LRRC4C: variants seen among roughly 807,000 people sequenced by gnomAD.
LRRC4C encodes the protein leucine rich repeat containing 4C, also known as leucine-rich repeat-containing protein 4C.
In LRRC4C, 5 loss-of-function variants were observed where a neutral mutation model predicts 33.6. The observed-to-expected ratio is 0.15, with a 90% CI of 0.08 to 0.31. The LOEUF (loss-of-function observed/expected upper bound fraction) is 0.31. LRRC4C is among the 10% of genes least tolerant of loss of function. The pLI is 1.00. For missense variants in LRRC4C, 560 were observed against 796.7 expected (o/e 0.70, Z 3.58); for synonymous variants, 329 against 302.0 (o/e 1.09, Z -0.93).
At chr11:40,703,984 A>G (rs1391198544) in intron 2 of LRRC4C, among the ~76,000 whole-genome samples, 1 of 152,194 alleles carries the variant, frequency 6.6e-6, no homozygotes, top group Non-Finnish European at 1.5e-5. Flanking sequence ...TACCCTCCAT[A>G]TTCACTAGTT....
chr11:41,004,915 T>C (rs182123162), intron 1 of LRRC4C, among the ~76,000 whole-genome samples: 2 of 152,226 alleles, frequency 1.3e-5, no homozygotes, highest in African/African-American at 2.4e-5. Context: ...TGCTAAAAGA[T>C]GGTTAGAAAA....
intron 1 of LRRC4C, among the ~76,000 whole-genome samples, chr11:41,137,180 C>T (rs1485802723): frequency 1.3e-5 from 2 of 151,736 alleles, no homozygotes; most frequent in South Asian, 2.1e-4. Flanking sequence ...CCCAGGAGGT[C>T]GCAGTGAGCT....
At chr11:40,685,474 A>G (rs1944907362) in intron 2 of LRRC4C, among the ~76,000 whole-genome samples, 1 of 152,052 alleles carries the variant, frequency 6.6e-6, no homozygotes, top group Non-Finnish European at 1.5e-5. Context: ...CAAGCTGAAT[A>G]GATCTAAAGA....
At chr11:40,872,085 G>A (rs1954678633) in intron 2 of LRRC4C, among the ~76,000 whole-genome samples, 2 of 152,078 alleles carry the variant, frequency 1.3e-5, no homozygotes, top group Non-Finnish European at 2.9e-5. Context: ...TACTCTAAAC[G>A]AGTTTCCTGT....
At chr11:40,690,204 T>C (rs1019395193) in intron 2 of LRRC4C, among the ~76,000 whole-genome samples, 19 of 150,370 alleles carry the variant, frequency 1.3e-4, no homozygotes, top group Non-Finnish European at 3.0e-5. Context: ...GAACTAGACA[T>C]TTTTTTATGA....
intron 3 of LRRC4C, among the ~76,000 whole-genome samples, chr11:40,577,559 C>G (rs1267000312): frequency 6.6e-6 from 1 of 152,140 alleles, no homozygotes; most frequent in Non-Finnish European, 1.5e-5. Flanking sequence ...GTGGCTTTGC[C>G]TCTCAGAAGA....
rs544528944 is a variant in LRRC4C at position 40,495,916 on chromosome 11, G to A, written c.-270+152226C>T. On this transcript the variant is annotated intron_variant, in intron 3 of 6. Transcript: ENST00000528697. ...GCGATCTCAGCTCACTACAACCTCC[G>A]CCCCCGGGGTTCAAGCAATTCTCCT... Among the ~76,000 whole-genome samples the A allele has an allele frequency of 1.2e-3, 161 of 130,544 alleles. 2 individuals are homozygous for A. In the Middle Eastern group the frequency reaches 0.019, roughly 15 times the overall value. The allele number at this position is 130,544 out of a possible 152,430, so 85.6% of individuals were successfully genotyped here.
intron 1 of LRRC4C, among the ~76,000 whole-genome samples, chr11:41,361,738 A>AT (rs1180337166): frequency 6.6e-6 from 1 of 152,176 alleles, no homozygotes; most frequent in East Asian, 1.9e-4. Flanking sequence ...GACTAAACAC[A>AT]TTTTTTAGTG....
At chr11:40,551,336 G>T in intron 3 of LRRC4C, among the ~76,000 whole-genome samples, 1 of 135,720 alleles carries the variant, frequency 7.4e-6, no homozygotes, top group Non-Finnish European at 1.6e-5. Flanking sequence ...GGTTGCATGA[G>T]ATCATTTCAA....
chr11:40,940,886 C>T (rs1958109779), intron 1 of LRRC4C, among the ~76,000 whole-genome samples: 1 of 150,442 alleles, frequency 6.6e-6, no homozygotes, highest in Non-Finnish European at 1.5e-5. Context: ...GAATGGGGAT[C>T]ATGGCCTGAA....
At chr11:40,777,499 G>GTTTTTTT (rs57851988) in intron 2 of LRRC4C, among the ~76,000 whole-genome samples, 1 of 137,638 alleles carries the variant, frequency 7.3e-6, no homozygotes, top group Non-Finnish European at 1.6e-5. Flanking sequence ...CTTTTTTACT[G>GTTTTTTT]TTTTTTTTTT....
At chr11:41,024,278 G>T (rs888240280) in intron 1 of LRRC4C, among the ~76,000 whole-genome samples, 1 of 151,630 alleles carries the variant, frequency 6.6e-6, no homozygotes, top group African/African-American at 2.4e-5. Flanking sequence ...CAGTAGCTAC[G>T]CAGCTCAACT....
chr11:40,804,813 G>A (rs1482888687), intron 2 of LRRC4C, among the ~76,000 whole-genome samples: 1 of 152,080 alleles, frequency 6.6e-6, no homozygotes, highest in Non-Finnish European at 1.5e-5. Context: ...AAACTCTTAT[G>A]TAGAGAAACA....
At chr11:41,171,726 A>C (rs777804023) in intron 1 of LRRC4C, among the ~76,000 whole-genome samples, 1 of 152,112 alleles carries the variant, frequency 6.6e-6, no homozygotes, top group African/African-American at 2.4e-5. Flanking sequence ...CAAGTAGGTT[A>C]AACTTCCCAT....
intron 1 of LRRC4C, among the ~76,000 whole-genome samples, chr11:41,148,266 C>T (rs1189215112): frequency 6.6e-6 from 1 of 152,082 alleles, no homozygotes; most frequent in East Asian, 1.9e-4. Flanking sequence ...CTGCCTGCCT[C>T]AGACTCCCAA....
At chr11:41,394,478 A>G (rs527654029) in intron 1 of LRRC4C, 134 of 152,016 alleles carry the variant, frequency 8.8e-4, no homozygotes, top group African/African-American at 3.0e-3. Context: ...TCTACTTCAT[A>G]TGGATTTCCA....
At chr11:40,469,058 T>C (rs930894549) in intron 3 of LRRC4C, among the ~76,000 whole-genome samples, 1 of 152,220 alleles carries the variant, frequency 6.6e-6, no homozygotes, top group Non-Finnish European at 1.5e-5. Context: ...AAGGCACTTA[T>C]GTGTACTGGG....
At chr11:41,357,388 G>T (rs1228390712) in intron 1 of LRRC4C, among the ~76,000 whole-genome samples, 1 of 152,158 alleles carries the variant, frequency 6.6e-6, no homozygotes, top group African/African-American at 2.4e-5. Flanking sequence ...ACTGTGAACA[G>T]CCTATTCTAA....
intron 1 of LRRC4C, among the ~76,000 whole-genome samples, chr11:40,983,230 T>C (rs1307951818): frequency 6.6e-6 from 1 of 152,178 alleles, no homozygotes; most frequent in Non-Finnish European, 1.5e-5. Flanking sequence ...CCTTAGGTCT[T>C]TGAAGAATCA....
Sources: gnomAD v4.1 joint callset for allele counts (sites outside exome capture counted in the v4.1 genomes callset) on GRCh38, gnomAD v4.1.1 for gene constraint, MANE v1.5 for transcripts, NCBI Gene and HGNC (gene_info 2026-07-23, HGNC 2026-07-21) for gene names.